The following C8orf34 variants were observed in gnomAD, a reference collection of about 807,000 sequenced individuals.
The protein encoded by C8orf34 is uncharacterized protein C8orf34.
Under a neutral mutation model 68.3 loss-of-function variants are expected in C8orf34, and 65 were observed. The ratio of observed to expected loss-of-function variants is 0.95; its 90% CI spans 0.78 to 1.17. The LOEUF (loss-of-function observed/expected upper bound fraction) is 1.17, where lower values mean the gene tolerates loss of function less well. C8orf34 is among the 50% of genes most tolerant of loss of function. The probability of loss-of-function intolerance (pLI) is 0.00; values close to 1 mark genes in which losing one functional copy is unlikely to be tolerated. For synonymous variants in C8orf34, 244 were observed against 241.2 expected (o/e 1.01, Z -0.11); for missense variants, 664 against 655.4 (o/e 1.01, Z -0.14).
intron 3 of C8orf34, among the ~76,000 whole-genome samples, chr8:68,462,436 C>T (rs544692771): frequency 8.8e-4 from 133 of 151,872 alleles, no homozygotes; most frequent in African/African-American, 2.9e-3. Context: ...CTGCACCAAG[C>T]GGACCTAATA....
At chr8:68,389,699 G>T (rs1441241202) in intron 1 of C8orf34, among the ~76,000 whole-genome samples, 3 of 152,064 alleles carry the variant, frequency 2.0e-5, no homozygotes, top group South Asian at 2.1e-4. Context: ...CAGCCAAGAG[G>T]TTACAAATTA....
intron 12 of C8orf34, among the ~76,000 whole-genome samples, chr8:68,795,548 G>A (rs542407115): frequency 3.3e-5 from 5 of 152,266 alleles, no homozygotes; most frequent in African/African-American, 9.6e-5. Context: ...AAGTAATGCA[G>A]GTCAAGTCTA....
At chr8:68,809,502 A>C (rs1181050861) in intron 12 of C8orf34, among the ~76,000 whole-genome samples, 1 of 109,196 alleles carries the variant, frequency 9.2e-6, no homozygotes, top group African/African-American at 6.0e-5. Flanking sequence ...TTTTGGAGCC[A>C]GCCATGGTGC....
At chr8:68,485,552 A>G (rs558118763) in intron 4 of C8orf34, among the ~76,000 whole-genome samples, 16 of 151,964 alleles carry the variant, frequency 1.1e-4, no homozygotes, top group African/African-American at 3.6e-4. Flanking sequence ...TCTCTACTAA[A>G]AATACAAAAA....
At position 68,670,871 on chromosome 8, in the gene C8orf34, T is replaced by G. The variant is rs112003600; in HGVS notation, c.1241+30360T>G. Among the ~76,000 whole-genome samples the G allele has an allele frequency of 1.7e-3, 257 of 152,332 alleles. 1 individual carries two copies. The highest frequency in any genetic ancestry group is 6.0e-3 in the African/African-American group (250 of 41,578). ...CACCCTGCCCCTAAGGCACTAATAC[T>G]TCTTATAGCACTTATGAAAATTATT... On this transcript the variant is annotated intron_variant, in intron 8 of 13. Transcript: ENST00000518698.
intron 4 of C8orf34, among the ~76,000 whole-genome samples, chr8:68,483,362 G>T (rs2129631215): frequency 6.6e-6 from 1 of 152,314 alleles, no homozygotes; most frequent in East Asian, 1.9e-4. Flanking sequence ...AATTTAGAAA[G>T]AAACATTTAA....
intron 1 of C8orf34, among the ~76,000 whole-genome samples, chr8:68,417,084 T>C (rs957459837): frequency 6.6e-6 from 1 of 152,128 alleles, no homozygotes. Flanking sequence ...ATTAAAACTA[T>C]TGTGTAGAGT....
chr8:68,768,334 A>T (rs1823240579), intron 10 of C8orf34, among the ~76,000 whole-genome samples: 2 of 152,140 alleles, frequency 1.3e-5, no homozygotes, highest in Admixed American at 1.3e-4. Flanking sequence ...GATTTTTTTA[A>T]AAGTCTTGGC....
At chr8:68,406,181 A>G (rs1809183963) in intron 1 of C8orf34, among the ~76,000 whole-genome samples, 1 of 152,224 alleles carries the variant, frequency 6.6e-6, no homozygotes, top group South Asian at 2.1e-4. Context: ...GGCTTACGGT[A>G]GACAGACAGT....
At chr8:68,582,610 G>C (rs1817097150) in intron 7 of C8orf34, among the ~76,000 whole-genome samples, 1 of 152,046 alleles carries the variant, frequency 6.6e-6, no homozygotes, top group African/African-American at 2.4e-5. Context: ...CCTTGGTTCT[G>C]AGGCTGCTTC....
chr8:68,534,928 G>A (rs1289650142), intron 7 of C8orf34: 10 of 985,180 alleles, frequency 1.0e-5, no homozygotes, highest in Non-Finnish European at 1.1e-5. Context: ...TCTTTTTTTA[G>A]ACATTTTAGC....
At chr8:68,712,643 A>C (rs960699024) in intron 9 of C8orf34, among the ~76,000 whole-genome samples, 3 of 152,152 alleles carry the variant, frequency 2.0e-5, no homozygotes, top group Non-Finnish European at 4.4e-5. Flanking sequence ...GGAAAATATC[A>C]CAATCCTAAA....
At chr8:68,408,393 T>C (rs796231908) in intron 1 of C8orf34, among the ~76,000 whole-genome samples, 129 of 152,014 alleles carry the variant, frequency 8.5e-4, no homozygotes, top group African/African-American at 2.9e-3. Flanking sequence ...CCTGAAACCA[T>C]CCCCGCCACA....
chr8:68,650,375 G>C (rs1819311574), intron 8 of C8orf34, among the ~76,000 whole-genome samples: 1 of 151,918 alleles, frequency 6.6e-6, no homozygotes, highest in Non-Finnish European at 1.5e-5. Context: ...TTATAAATGA[G>C]TTTGAGGGGG....
chr8:68,427,339 A>G (rs916994688), intron 1 of C8orf34, among the ~76,000 whole-genome samples: 3 of 152,214 alleles, frequency 2.0e-5, no homozygotes, highest in African/African-American at 7.2e-5. Context: ...TGGTACACCT[A>G]TATCATGAAT....
At chr8:68,643,709 C>T (rs1819082042) in intron 8 of C8orf34, among the ~76,000 whole-genome samples, 2 of 152,224 alleles carry the variant, frequency 1.3e-5, no homozygotes, top group South Asian at 4.1e-4. Flanking sequence ...CTAATCACCT[C>T]CCAATATCCC....
At chr8:68,675,590 A>G (rs947699889) in intron 8 of C8orf34, among the ~76,000 whole-genome samples, 3 of 151,978 alleles carry the variant, frequency 2.0e-5, no homozygotes, top group Non-Finnish European at 4.4e-5. Context: ...CACACACAAA[A>G]TATAAAAAGC....
rs111296235 is a variant in C8orf34, at chr8:68,695,148, C to CTT, written c.1242-13832_1242-13831dup. On this transcript the variant is annotated intron_variant, in intron 8 of 13. Transcript: ENST00000518698. ...TTACTCAATTAGCAACTGTTTATTCCTTTTTTTTTTTTTTTGAGATGGAGT... is the reference window on the plus strand; with the variant it reads ...TTACTCAATTAGCAACTGTTTATTCCTTTTTTTTTTTTTTTTTGAGATGGAGT... Among the ~76,000 whole-genome samples the CTT allele has an allele frequency of 4.0e-3, 556 of 139,158 alleles. 11 individuals carry two copies. The highest frequency in any genetic ancestry group is 0.014 in the African/African-American group (526 of 37,160). The allele number at this position is 139,158 out of a possible 152,430, so 91.3% of individuals were successfully genotyped here. A position where few individuals can be genotyped will look rare whatever the true frequency, so the allele number is the denominator to read the frequency against.
Position 68,600,218 on chromosome 8 carries a change from A to G in C8orf34, c.1106-40158A>G, listed in dbSNP as rs575737741. On this transcript the variant is annotated intron_variant, in intron 7 of 13. Coordinates refer to ENST00000518698, the MANE Select transcript of C8orf34 (RefSeq NM_052958.4). ...AGTCTACAGGTATTGATGTTTTACC[A>G]CTTTGAGTCAAGTGTAGAAATTGTA... 3.9e-4 allele frequency among the ~76,000 whole-genome samples: 60 copies of G among 152,238 alleles called. No homozygotes were observed. The South Asian group carries it at 0.012, about 30-fold the overall frequency.
Sources: gnomAD v4.1 joint callset for allele counts (sites outside exome capture counted in the v4.1 genomes callset) on GRCh38, gnomAD v4.1.1 for gene constraint, MANE v1.5 for transcripts, NCBI Gene and HGNC (gene_info 2026-07-23, HGNC 2026-07-21) for gene names.